Variants in RPS6KA2 observed in about 807,000 individuals in gnomAD.
RPS6KA2 encodes the protein ribosomal protein S6 kinase alpha-2.
Under a neutral mutation model 91.8 loss-of-function variants are expected in RPS6KA2, and 42 were observed. That is an observed-to-expected ratio of 0.46 (90% confidence interval 0.36 to 0.59). The LOEUF (loss-of-function observed/expected upper bound fraction) is 0.59. RPS6KA2 is among the 20% of genes least tolerant of loss of function. The probability of loss-of-function intolerance (pLI) is 0.00; values close to 1 mark genes in which losing one functional copy is unlikely to be tolerated. For missense variants in RPS6KA2, 798 were observed against 978.5 expected (o/e 0.82, Z 2.46); for synonymous variants, 414 against 393.6 (o/e 1.05, Z -0.61).
In RPS6KA2 at chr6:166,508,060, C is replaced by T. The variant is rs1432052980; in HGVS notation, c.459+143G>A. The T allele has an allele frequency of 5.0e-6, 3 of 605,170 alleles. No individual in the cohort carries two copies. In the African/African-American group the frequency reaches 5.6e-5, roughly 11 times the overall value. The allele number at this position is 605,170 out of a possible 1,614,324, so 37.5% of individuals were successfully genotyped here. A position where few individuals can be genotyped will look rare whatever the true frequency, so the allele number is the denominator to read the frequency against. Reference sequence around the variant, plus strand: ...TCTCCCACACACGCACTCTTGCACACACTCACACATGCACACACCCCCACA... The same window carrying T: ...TCTCCCACACACGCACTCTTGCACATACTCACACATGCACACACCCCCACA... On this transcript the variant is annotated intron_variant, in intron 5 of 20. Coordinates refer to ENST00000265678, the MANE Select transcript of RPS6KA2 (RefSeq NM_021135.6). This position sits in a 1 kb window ranked among gnomAD's most constrained non-coding sequence, Gnocchi z 4.3.
intron 14 of RPS6KA2, among the ~76,000 whole-genome samples, chr6:166,442,586 C>T (rs763224456): frequency 1.6e-4 from 24 of 152,304 alleles, no homozygotes; most frequent in South Asian, 4.1e-4. Flanking sequence ...TCGTAACTCT[C>T]GTCACCATAT....
At chr6:166,682,434 AG>A (rs1441065540) in intron 2 of RPS6KA2, among the ~76,000 whole-genome samples, 1 of 152,124 alleles carries the variant, frequency 6.6e-6, no homozygotes, top group Admixed American at 6.5e-5. Context: ...GAATGCCCAC[AG>A]GTGGGGTCCG....
At chr6:166,818,596 A>G (rs1302439571) in intron 2 of RPS6KA2, among the ~76,000 whole-genome samples, 2 of 151,992 alleles carry the variant, frequency 1.3e-5, no homozygotes, top group African/African-American at 2.4e-5. Flanking sequence ...CTGCACAGTC[A>G]CCCCTTCCCC....
intron 2 of RPS6KA2, among the ~76,000 whole-genome samples, chr6:166,682,486 C>T (rs1453397191): frequency 3.9e-5 from 6 of 152,110 alleles, no homozygotes; most frequent in African/African-American, 1.4e-4. Flanking sequence ...GGTGAGACAG[C>T]CCTGGGGAAA....
Position 166,449,819 on chromosome 6 carries a change from CCACCACA to C in RPS6KA2, c.1207-977_1207-971del, listed in dbSNP as rs1779801862. On this transcript the variant is annotated intron_variant, in intron 13 of 20. Coordinates refer to ENST00000265678, the MANE Select transcript of RPS6KA2 (RefSeq NM_021135.6). ...GCCACCACGGGGACCACCATGGGAA[CCACCACA>C]GGGACCACCACGGGACAACCACGAG... is the stretch of plus-strand genomic sequence containing the variant. 4.9e-5 allele frequency among the ~76,000 whole-genome samples: 6 copies of C among 122,658 alleles called. No individual in the cohort carries two copies. The South Asian group carries it at 1.5e-3, about 30-fold the overall frequency. The allele number at this position is 122,658 out of a possible 152,430, so 80.5% of individuals were successfully genotyped here.
intron 1 of RPS6KA2, among the ~76,000 whole-genome samples, chr6:166,602,672 A>G (rs1054619664): frequency 6.6e-6 from 1 of 152,246 alleles, no homozygotes; most frequent in Non-Finnish European, 1.5e-5. Flanking sequence ...TTTAGGATAC[A>G]CACAATAAAA....
chr6:166,475,612 G>A (rs1465297990), intron 10 of RPS6KA2: 1 of 315,880 alleles, frequency 3.2e-6, no homozygotes. Context: ...GGCCTCTGGA[G>A]GTCAGTGGCA....
At position 166,852,388 on chromosome 6, in the gene RPS6KA2, C is replaced by G. The variant is rs549046097; in HGVS notation, c.123+5812G>C. Among the ~76,000 whole-genome samples the G allele has an allele frequency of 1.3e-5, 2 of 152,324 alleles. No homozygotes were observed. The highest frequency in any genetic ancestry group is 4.8e-5 in the African/African-American group (2 of 41,578). On this transcript the variant is annotated intron_variant, in intron 2 of 21. Transcript: ENST00000503859. The surrounding 1 kb of genome is among the most constrained non-coding windows in gnomAD (Gnocchi z 4.1). ...ATTAGTGCCTGGGCTTCATTATTCA[C>G]CTTGTCTCACTTCTATTCAGACCAG...
intron 2 of RPS6KA2, among the ~76,000 whole-genome samples, chr6:166,534,539 A>G (rs1422753777): frequency 6.6e-6 from 1 of 152,230 alleles, no homozygotes; most frequent in Non-Finnish European, 1.5e-5. Context: ...AGAGCAGAGG[A>G]AGCCCCATTC....
chr6:166,572,504 A>G (rs1784719389), intron 1 of RPS6KA2, among the ~76,000 whole-genome samples: 1 of 152,242 alleles, frequency 6.6e-6, no homozygotes, highest in South Asian at 2.1e-4. Context: ...TGACGTATTT[A>G]GCTCTTTCCT....
intron 2 of RPS6KA2, among the ~76,000 whole-genome samples, chr6:166,817,402 A>AACACAC (rs5881717): frequency 6.6e-6 from 1 of 151,172 alleles, no homozygotes; most frequent in Non-Finnish European, 1.5e-5. Context: ...CACGCATGTA[A>AACACAC]ACACACACAC....
intron 2 of RPS6KA2, among the ~76,000 whole-genome samples, chr6:166,715,035 A>G (rs925279769): frequency 6.6e-6 from 1 of 152,158 alleles, no homozygotes; most frequent in African/African-American, 2.4e-5. Flanking sequence ...ACACCAACAC[A>G]TCCAAAGCAG....
chr6:166,498,544 C>T lies in RPS6KA2; in HGVS notation c.711G>A (p.Thr237=), dbSNP rs781537068. The change falls in exon 8 of 21, where the codon ACG becomes ACA. Residue 237 remains threonine, a synonymous_variant. Coordinates refer to ENST00000265678, the MANE Select transcript of RPS6KA2 (RefSeq NM_021135.6). The part of the protein sequence containing the change: ...APEVVNRRGH[T]QSADWWSFGV... ...CGAAGGACCACCAGTCGGCACTCTGCGTGTGTCCTCGCCGGTTCACCACCT... is the reference window on the plus strand; with the variant it reads ...CGAAGGACCACCAGTCGGCACTCTGTGTGTGTCCTCGCCGGTTCACCACCT... The T allele has an allele frequency of 3.7e-5, 59 of 1,613,254 alleles. No homozygotes were observed. The South Asian group carries it at 4.1e-4, about 11-fold the overall frequency.
Position 166,698,842 on chromosome 6 carries a change from A to G in RPS6KA2, c.123+159358T>C, listed in dbSNP as rs138270818. On this transcript the variant is annotated intron_variant, in intron 2 of 21. Transcript: ENST00000503859. ...TGGTTGGAGGACGGAAAATGGAGGC[A>G]AGAGAATGTGCTCAATGATTTTGTC... 7.8e-3 allele frequency among the ~76,000 whole-genome samples: 1,190 copies of G among 152,336 alleles called. 18 individuals are homozygous for G. The highest frequency in any genetic ancestry group is 0.028 in the African/African-American group (1,144 of 41,586).
rs1024779614 is a variant in RPS6KA2, at chr6:166,701,916, C to T, written c.123+156284G>A. 13 of 1,125,418 alleles carry T rather than the reference C, an allele frequency of 1.2e-5. No individual in the cohort carries two copies. The African/African-American group carries it at 1.7e-4, about 15-fold the overall frequency. 69.7% of individuals were successfully genotyped at this position (1,125,418 alleles called of 1,614,324 possible). On this transcript the variant is annotated intron_variant, in intron 2 of 21. Transcript: ENST00000503859. ...GATATCGTGATTTTAGTGTCTGTGT[C>T]TTGCTCAATTTTTTTAAGATTTCTT...
intron 2 of RPS6KA2, among the ~76,000 whole-genome samples, chr6:166,659,169 AGCATG>A (rs1788086821): frequency 2.8e-5 from 2 of 72,432 alleles, no homozygotes; most frequent in South Asian, 5.1e-4. Context: ...GAAGAAAATG[AGCATG>A]AAGTCAGACA....
chr6:166,857,368 C>T (rs1247997982), intron 2 of RPS6KA2, among the ~76,000 whole-genome samples: 5 of 152,152 alleles, frequency 3.3e-5, no homozygotes, highest in African/African-American at 9.7e-5. Context: ...CCTCTGAGAG[C>T]GTTTGCTTTA....
intron 2 of RPS6KA2, among the ~76,000 whole-genome samples, chr6:166,687,495 T>C (rs1055994573): frequency 6.6e-6 from 1 of 151,000 alleles, no homozygotes; most frequent in Admixed American, 6.6e-5. Context: ...GCCAGCGGGG[T>C]TTTTCACCCA....
chr6:166,741,907 A>C (rs943404752), intron 2 of RPS6KA2, among the ~76,000 whole-genome samples: 1 of 152,198 alleles, frequency 6.6e-6, no homozygotes, highest in Non-Finnish European at 1.5e-5. Context: ...AAGGCGGATC[A>C]CCTGAGGTCG....
Sources: allele counts gnomAD v4.1 joint callset (sites outside exome capture counted in the v4.1 genomes callset), GRCh38; gene constraint gnomAD v4.1.1; non-coding constraint Gnocchi (gnomAD v3.1); transcripts MANE v1.5; gene names NCBI Gene and HGNC (gene_info 2026-07-23, HGNC 2026-07-21).